The following CDKAL1 variants were observed in gnomAD, a reference collection of about 807,000 sequenced individuals.
CDKAL1 encodes threonylcarbamoyladenosine tRNA methylthiotransferase.
A neutral mutation model predicts 68.2 loss-of-function variants in CDKAL1; 32 were observed. The ratio of observed to expected loss-of-function variants is 0.47; its 90% CI spans 0.35 to 0.63. CDKAL1 has a LOEUF of 0.63. Among genes scored for constraint, CDKAL1 ranks in the 30% least tolerant of loss-of-function variants. The probability of loss-of-function intolerance (pLI) is 0.00; values close to 1 mark genes in which losing one functional copy is unlikely to be tolerated. For missense variants in CDKAL1, 606 were observed against 696.7 expected (o/e 0.87, Z 1.47); for synonymous variants, 234 against 244.3 (o/e 0.96, Z 0.39).
intron 4 of CDKAL1, 66 bp downstream of exon 4, chr6:20,548,771 G>C: frequency 1.4e-6 from 1 of 713,976 alleles, no homozygotes; most frequent in Non-Finnish European, 2.4e-6. Context: ...GAGATAAATA[G>C]CCTAGCAGTT....
chr6:21,200,491 A>G (rs1778644445), intron 14 of CDKAL1, among the ~76,000 whole-genome samples: 1 of 152,218 alleles, frequency 6.6e-6, no homozygotes, highest in Non-Finnish European at 1.5e-5. Context: ...CAGCACACAC[A>G]TGCACGGACA....
intron 12 of CDKAL1, among the ~76,000 whole-genome samples, chr6:21,096,708 A>G (rs944292386): frequency 2.0e-5 from 3 of 152,232 alleles, no homozygotes; most frequent in African/African-American, 7.2e-5. Flanking sequence ...AAAAATAAAT[A>G]AATAAATAAA....
intron 12 of CDKAL1, among the ~76,000 whole-genome samples, chr6:21,105,605 G>A (rs995709318): frequency 1.3e-5 from 2 of 152,202 alleles, no homozygotes; most frequent in East Asian, 1.9e-4. Context: ...AGAGCTAGGC[G>A]GGGGTATGCG....
chr6:20,822,841 G>A (rs561335713), intron 8 of CDKAL1, among the ~76,000 whole-genome samples: 2 of 152,254 alleles, frequency 1.3e-5, no homozygotes, highest in South Asian at 2.1e-4. Context: ...CAGCCATGCT[G>A]AATTGTGAGT....
chr6:20,656,224 T>C (rs1769018925), intron 5 of CDKAL1, among the ~76,000 whole-genome samples: 1 of 152,220 alleles, frequency 6.6e-6, no homozygotes, highest in East Asian at 1.9e-4. Flanking sequence ...GGTTGCAGAA[T>C]TGAGGCAGAT....
rs573696490 is a variant in CDKAL1, at chr6:20,542,766, C to T, written c.-5-3580C>T. ...ATACAGTCAGGATGCAAAACATTTC[C>T]ATCATCACAAGGATTCCTCATGTTG... On this transcript the variant is annotated intron_variant, in intron 2 of 15. Coordinates refer to ENST00000274695, the MANE Select transcript of CDKAL1 (RefSeq NM_017774.3). Among the ~76,000 whole-genome samples, 5 of 152,286 alleles carry T rather than the reference C, an allele frequency of 3.3e-5. No individual in the cohort carries two copies. In the South Asian group the frequency reaches 1.0e-3, roughly 32 times the overall value.
At chr6:20,942,295 A>G (rs941530477) in intron 9 of CDKAL1, among the ~76,000 whole-genome samples, 8 of 149,650 alleles carry the variant, frequency 5.3e-5, no homozygotes, top group African/African-American at 1.5e-4. Context: ...CCTTTGTGCT[A>G]TTGTCAGTTT....
intron 4 of CDKAL1, among the ~76,000 whole-genome samples, chr6:20,634,210 A>G (rs1767797369): frequency 1.3e-5 from 2 of 152,350 alleles, no homozygotes; most frequent in African/African-American, 4.8e-5. Flanking sequence ...CCTTTACTAA[A>G]TAGAACTATT....
chr6:20,842,426 A>G (rs1301325279), intron 8 of CDKAL1, among the ~76,000 whole-genome samples: 4 of 152,190 alleles, frequency 2.6e-5, no homozygotes, highest in African/African-American at 9.7e-5. Context: ...CAAGCAGTCA[A>G]AAAAATGTGC....
Position 20,618,685 on chromosome 6 carries a change from GT to G in CDKAL1, c.287-30598del, listed in dbSNP as rs753991642. Among the ~76,000 whole-genome samples the G allele has an allele frequency of 2.1e-3, 314 of 147,340 alleles. 4 individuals are homozygous for G. Among genetic ancestry groups the G allele is most frequent in the Non-Finnish European group, 2.5e-3 (167 of 66,372 alleles). ...AGTTTTCATTTTATCAATTCTTTTC[GT>G]TTTTTTTTTGGATACAGGGTCTTGC... On this transcript the variant is annotated intron_variant, in intron 4 of 15. Coordinates refer to ENST00000274695, the MANE Select transcript of CDKAL1 (RefSeq NM_017774.3).
chr6:21,129,172 T>A (rs1055370553), intron 13 of CDKAL1, among the ~76,000 whole-genome samples: 5 of 152,206 alleles, frequency 3.3e-5, no homozygotes, highest in Non-Finnish European at 7.3e-5. Context: ...TAAATAATAA[T>A]TATAAATTCT....
At chr6:20,839,115 T>C (rs916124498) in intron 8 of CDKAL1, among the ~76,000 whole-genome samples, 24 of 152,018 alleles carry the variant, frequency 1.6e-4, no homozygotes, top group East Asian at 5.8e-4. Flanking sequence ...GCTTTTTTTT[T>C]CCCCCTGTAC....
At chr6:21,074,642 C>T (rs1241559616) in intron 12 of CDKAL1, among the ~76,000 whole-genome samples, 4 of 152,044 alleles carry the variant, frequency 2.6e-5, no homozygotes, top group South Asian at 2.1e-4. Flanking sequence ...ATATGATGTG[C>T]ACTGAGTCTT....
chr6:21,048,272 C>T (rs1221819100), intron 11 of CDKAL1, among the ~76,000 whole-genome samples: 3 of 152,150 alleles, frequency 2.0e-5, no homozygotes, highest in African/African-American at 7.2e-5. Context: ...AATCAGACAA[C>T]AGCTGGATTT....
intron 15 of CDKAL1, 26 bp from the exon 16 acceptor site, chr6:21,230,822 T>G: frequency 6.5e-7 from 1 of 1,545,240 alleles, no homozygotes; most frequent in Non-Finnish European, 8.8e-7. Flanking sequence ...TAAAAATAAT[T>G]TTTTCCTCTG....
At chr6:20,637,548 G>A (rs1767963348) in intron 4 of CDKAL1, among the ~76,000 whole-genome samples, 2 of 152,168 alleles carry the variant, frequency 1.3e-5, no homozygotes, top group Admixed American at 1.3e-4. Context: ...GGGCAACAGA[G>A]CGAAACTCTG....
intron 9 of CDKAL1, among the ~76,000 whole-genome samples, chr6:20,863,476 A>C (rs1382543692): frequency 6.6e-6 from 1 of 152,114 alleles, no homozygotes; most frequent in Non-Finnish European, 1.5e-5. Flanking sequence ...TGTTTTTTGA[A>C]TGAATGTATG....
chr6:20,646,210 C>T (rs1268928072), intron 4 of CDKAL1, among the ~76,000 whole-genome samples: 2 of 151,740 alleles, frequency 1.3e-5, no homozygotes, highest in Non-Finnish European at 2.9e-5. Context: ...GCGCCTGCTA[C>T]TGCACCCGGC....
chr6:20,574,162 A>G (rs1764821503), intron 4 of CDKAL1, among the ~76,000 whole-genome samples: 1 of 152,202 alleles, frequency 6.6e-6, no homozygotes, highest in African/African-American at 2.4e-5. Context: ...TTAATTGGAA[A>G]ATAAGCTTTT....
Sources: allele counts gnomAD v4.1 joint callset (sites outside exome capture counted in the v4.1 genomes callset), GRCh38; gene constraint gnomAD v4.1.1; transcripts MANE v1.5; gene names NCBI Gene and HGNC (gene_info 2026-07-23, HGNC 2026-07-21).